The following ZFAT variants were observed in gnomAD, a reference collection of about 807,000 sequenced individuals.
ZFAT encodes the protein zinc finger and AT-hook domain containing.
A neutral mutation model predicts 117.7 loss-of-function variants in ZFAT; 64 were observed. That is an observed-to-expected ratio of 0.54 (90% confidence interval 0.44 to 0.67). ZFAT has a LOEUF of 0.67. Ranked by LOEUF, ZFAT falls within the 30% of genes least tolerant of loss-of-function variation. ZFAT has a pLI of 0.00. For synonymous variants in ZFAT, 679 were observed against 615.0 expected (o/e 1.10, Z -1.54); for missense variants, 1,433 against 1,584.5 (o/e 0.90, Z 1.62).
chr8:134,731,652 A>G, the ZFAT span, among the ~76,000 whole-genome samples: 1 of 152,260 alleles, frequency 6.6e-6, no homozygotes, highest in African/African-American at 2.4e-5. Flanking sequence ...TGGTATGTGT[A>G]CTTTCTGAAT....
At chr8:134,650,705 A>G (rs1368015687) in intron 2 of ZFAT, among the ~76,000 whole-genome samples, 2 of 152,234 alleles carry the variant, frequency 1.3e-5, no homozygotes, top group Non-Finnish European at 2.9e-5. Flanking sequence ...ACATTAGAAG[A>G]GACGTATTGA....
chr8:134,806,984 C>G, the ZFAT span, among the ~76,000 whole-genome samples: 1 of 152,136 alleles, frequency 6.6e-6, no homozygotes, highest in Non-Finnish European at 1.5e-5. Context: ...AAAAACATTA[C>G]ATATTTGCGG....
intron 1 of ZFAT, among the ~76,000 whole-genome samples, chr8:134,691,491 G>T (rs1833586174): frequency 6.6e-6 from 1 of 152,256 alleles, no homozygotes; most frequent in Non-Finnish European, 1.5e-5. Context: ...TCTGGCCACA[G>T]GGCAGCTTGT....
intron 1 of ZFAT, among the ~76,000 whole-genome samples, chr8:134,658,014 C>T (rs563333465): frequency 2.6e-4 from 40 of 152,188 alleles, no homozygotes; most frequent in Admixed American, 2.2e-3. Context: ...CTCATCAGCC[C>T]AGATTCTGGG....
the ZFAT span, among the ~76,000 whole-genome samples, chr8:134,772,046 C>T: frequency 6.6e-6 from 1 of 152,182 alleles, no homozygotes; most frequent in Non-Finnish European, 1.5e-5. Context: ...TCAGGTCCCT[C>T]CCACAACACG....
At chr8:134,826,121 G>T in the ZFAT span, among the ~76,000 whole-genome samples, 24 of 151,974 alleles carry the variant, frequency 1.6e-4, no homozygotes, top group African/African-American at 5.5e-4. Flanking sequence ...TCGAACACTT[G>T]GCAATCAGTT....
chr8:134,575,017 T>C (rs540021518), intron 10 of ZFAT, among the ~76,000 whole-genome samples: 74 of 152,276 alleles, frequency 4.9e-4, no homozygotes, highest in African/African-American at 1.7e-3. Context: ...TCTTTCCTAA[T>C]GATGTAAATT....
At chr8:134,595,658 T>A (rs1010951811) in intron 7 of ZFAT, among the ~76,000 whole-genome samples, 1 of 152,246 alleles carries the variant, frequency 6.6e-6, no homozygotes. Flanking sequence ...TGACTAACTC[T>A]CTTGACTAGG....
chr8:134,546,201 GA>G (rs772752623), intron 11 of ZFAT, among the ~76,000 whole-genome samples: 1 of 152,182 alleles, frequency 6.6e-6, no homozygotes, highest in African/African-American at 2.4e-5. Context: ...TCTCTCTAAA[GA>G]CCCAGTGACA....
In ZFAT at chr8:134,637,732, G is replaced by A; in HGVS notation, c.197-20C>T. ...AAAACTCTACAGAGGAAACAAGAGG[G>A]CACAATGGAATCACGTGAGACGGCA... On this transcript the variant is annotated intron_variant, in intron 2 of 15. Coordinates refer to ENST00000377838, the MANE Select transcript of ZFAT (RefSeq NM_020863.4). 6.2e-7 allele frequency: 1 copy of A among 1,606,778 alleles called. No individual in the cohort carries two copies. The highest frequency in any genetic ancestry group is 8.5e-7 in the Non-Finnish European group (1 of 1,174,682).
chr8:134,749,138 A>G, the ZFAT span, among the ~76,000 whole-genome samples: 6 of 152,232 alleles, frequency 3.9e-5, no homozygotes, highest in East Asian at 1.2e-3. Context: ...TGGAAATTTT[A>G]ATTTTTACTA....
chr8:134,729,952 T>C, the ZFAT span, among the ~76,000 whole-genome samples: 5 of 152,262 alleles, frequency 3.3e-5, no homozygotes, highest in Non-Finnish European at 7.3e-5. Context: ...CAGTGGAATC[T>C]GGCTTCTTGC....
chr8:134,804,670 A>G, the ZFAT span, among the ~76,000 whole-genome samples: 1 of 152,238 alleles, frequency 6.6e-6, no homozygotes, highest in East Asian at 1.9e-4. Context: ...TCTAAGGCCC[A>G]GCAGCAGCAC....
the ZFAT span, among the ~76,000 whole-genome samples, chr8:134,760,879 G>A: frequency 2.0e-5 from 3 of 152,160 alleles, no homozygotes; most frequent in South Asian, 2.1e-4. Flanking sequence ...AAATACTAAG[G>A]GGAAAAATTC....
chr8:134,785,607 T>G, the ZFAT span: 1 of 151,792 alleles, frequency 6.6e-6, no homozygotes, highest in Non-Finnish European at 1.5e-5. Context: ...CCTAGTGCCA[T>G]TTATTGAAAA....
the ZFAT span, among the ~76,000 whole-genome samples, chr8:134,755,130 G>A: frequency 1.8e-4 from 27 of 152,000 alleles, no homozygotes; most frequent in African/African-American, 5.6e-4. Context: ...GGGGCTGGGC[G>A]TGGTGGCTCA....
the ZFAT span, among the ~76,000 whole-genome samples, chr8:134,731,953 A>G: frequency 2.0e-5 from 3 of 152,326 alleles, no homozygotes; most frequent in East Asian, 5.8e-4. Flanking sequence ...ATGAGAAAAC[A>G]GGGGCCCAGA....
chr8:134,564,329 C>T (rs1824266606), intron 11 of ZFAT, among the ~76,000 whole-genome samples: 1 of 152,120 alleles, frequency 6.6e-6, no homozygotes, highest in African/African-American at 2.4e-5. Context: ...TTGCTGTGGA[C>T]ATATCCCAGT....
At chr8:134,514,432 T>C (rs76111929) in intron 13 of ZFAT, among the ~76,000 whole-genome samples, 1,923 of 152,324 alleles carry the variant, frequency 0.013, 38 homozygotes, top group African/African-American at 0.043. Context: ...CTAATTGTTT[T>C]TGCATAGATG....
Sources: allele counts gnomAD v4.1 joint callset (sites outside exome capture counted in the v4.1 genomes callset), GRCh38; gene constraint gnomAD v4.1.1; transcripts MANE v1.5; gene names NCBI Gene and HGNC (gene_info 2026-07-23, HGNC 2026-07-21).